CAMKMT: variants seen among roughly 807,000 people sequenced by gnomAD.
CAMKMT encodes CaM KMT.
In CAMKMT, 53 loss-of-function variants were observed where a neutral mutation model predicts 48.0. The ratio of observed to expected loss-of-function variants is 1.10; its 90% CI spans 0.89 to 1.39. The LOEUF (loss-of-function observed/expected upper bound fraction) is 1.39. Among genes scored for constraint, CAMKMT ranks in the 40% most tolerant of loss-of-function variants. CAMKMT has a pLI of 0.00. For missense variants in CAMKMT, 428 were observed against 402.7 expected (o/e 1.06, Z -0.54); for synonymous variants, 165 against 152.3 (o/e 1.08, Z -0.61).
chr2:44,486,947 C>A (rs1669245701), intron 3 of CAMKMT, among the ~76,000 whole-genome samples: 1 of 152,194 alleles, frequency 6.6e-6, no homozygotes, highest in African/African-American at 2.4e-5. Flanking sequence ...TCGTTCATAA[C>A]ATGAAATATG....
At chr2:44,625,765 A>T (rs1303378525) in intron 3 of CAMKMT, among the ~76,000 whole-genome samples, 1 of 152,118 alleles carries the variant, frequency 6.6e-6, no homozygotes. Flanking sequence ...TGGTGAAAAG[A>T]TCATCTTTTC....
At chr2:44,635,002 GT>G (rs1440056932) in intron 3 of CAMKMT, among the ~76,000 whole-genome samples, 1 of 152,160 alleles carries the variant, frequency 6.6e-6, no homozygotes, top group South Asian at 2.1e-4. Context: ...GAGCCTGGGA[GT>G]TTGAGGTTAC....
At chr2:44,747,230 T>C (rs1488206638) in intron 8 of CAMKMT, among the ~76,000 whole-genome samples, 1 of 152,242 alleles carries the variant, frequency 6.6e-6, no homozygotes, top group Non-Finnish European at 1.5e-5. Context: ...TTTTTTTTAG[T>C]CCTTTTTACT....
chr2:44,466,790 C>G (rs1668137033), intron 3 of CAMKMT, among the ~76,000 whole-genome samples: 1 of 152,020 alleles, frequency 6.6e-6, no homozygotes, highest in Non-Finnish European at 1.5e-5. Flanking sequence ...AAAGACAAGA[C>G]TCCAATAACA....
chr2:44,718,722 T>C (rs1434627953), intron 7 of CAMKMT, among the ~76,000 whole-genome samples: 2 of 152,204 alleles, frequency 1.3e-5, no homozygotes, highest in African/African-American at 4.8e-5. Flanking sequence ...TTAAAAAGTC[T>C]ATTAAATTTA....
At chr2:44,675,273 A>G (rs751256967) in intron 3 of CAMKMT, among the ~76,000 whole-genome samples, 5 of 151,974 alleles carry the variant, frequency 3.3e-5, no homozygotes, top group Non-Finnish European at 7.4e-5. Context: ...TGGTTTCAGC[A>G]CTCTAATGAG....
chr2:44,468,886 A>G (rs992810187), intron 3 of CAMKMT, among the ~76,000 whole-genome samples: 2 of 152,128 alleles, frequency 1.3e-5, no homozygotes, highest in Admixed American at 6.6e-5. Context: ...CCATTGTACT[A>G]CAGCCTGGAT....
At chr2:44,544,231 C>T (rs1045396020) in intron 3 of CAMKMT, among the ~76,000 whole-genome samples, 11 of 152,018 alleles carry the variant, frequency 7.2e-5, no homozygotes, top group Non-Finnish European at 1.3e-4. Flanking sequence ...TCAGTGATTA[C>T]CTGGACATTT....
At chr2:44,362,400 C>T (rs900940866) in intron 1 of CAMKMT, among the ~76,000 whole-genome samples, 45 of 152,174 alleles carry the variant, frequency 3.0e-4, no homozygotes, top group African/African-American at 1.0e-3. Flanking sequence ...AGAAGAACCC[C>T]TTCTAGACAT....
At chr2:44,611,491 T>C (rs1198998086) in intron 3 of CAMKMT, among the ~76,000 whole-genome samples, 1 of 151,478 alleles carries the variant, frequency 6.6e-6, no homozygotes, top group Non-Finnish European at 1.5e-5. Flanking sequence ...ACAGAACAAT[T>C]TTGACTACAA....
intron 3 of CAMKMT, among the ~76,000 whole-genome samples, chr2:44,451,681 A>T (rs1408340818): frequency 1.3e-5 from 2 of 151,884 alleles, no homozygotes; most frequent in Admixed American, 6.6e-5. Context: ...TATTCTTGTG[A>T]AATATGTTTA....
intron 3 of CAMKMT, among the ~76,000 whole-genome samples, chr2:44,641,160 A>C (rs1037453173): frequency 2.6e-5 from 4 of 152,192 alleles, no homozygotes; most frequent in African/African-American, 9.7e-5. Flanking sequence ...ATATATAAAT[A>C]TCTTCTTAAA....
intron 3 of CAMKMT, among the ~76,000 whole-genome samples, chr2:44,443,479 C>G (rs1193677684): frequency 2.0e-5 from 3 of 152,046 alleles, no homozygotes; most frequent in African/African-American, 7.2e-5. Context: ...TGAAGAACTA[C>G]TTAGCATTTT....
chr2:44,735,355 C>T (rs1021476777), intron 7 of CAMKMT, among the ~76,000 whole-genome samples: 1 of 152,184 alleles, frequency 6.6e-6, no homozygotes, highest in Non-Finnish European at 1.5e-5. Context: ...AGTACAGTTA[C>T]TGATGGGGTT....
At chr2:44,362,847 C>G (rs549584723) in intron 1 of CAMKMT, among the ~76,000 whole-genome samples, 2 of 152,356 alleles carry the variant, frequency 1.3e-5, no homozygotes, top group Admixed American at 6.5e-5. Context: ...CTCGTGCAAG[C>G]TTGACGGAAG....
At chr2:44,418,148 C>T (rs1014185462) in intron 3 of CAMKMT, among the ~76,000 whole-genome samples, 49 of 148,814 alleles carry the variant, frequency 3.3e-4, no homozygotes, top group African/African-American at 1.1e-3. Context: ...GCCAAGATCG[C>T]GCCATTGCAC....
At chr2:44,444,214 T>C (rs1666845904) in intron 3 of CAMKMT, among the ~76,000 whole-genome samples, 1 of 152,226 alleles carries the variant, frequency 6.6e-6, no homozygotes, top group Middle Eastern at 3.2e-3. Context: ...TAGGAGATTT[T>C]GAAAGAGCAT....
intron 3 of CAMKMT, among the ~76,000 whole-genome samples, chr2:44,627,687 C>A (rs1043224288): frequency 5.3e-5 from 7 of 131,030 alleles, no homozygotes; most frequent in Non-Finnish European, 8.4e-5. Flanking sequence ...TATAATGGTC[C>A]CATTTTATCC....
chr2:44,453,607 T>A (rs1161072395), intron 3 of CAMKMT, among the ~76,000 whole-genome samples: 2 of 152,104 alleles, frequency 1.3e-5, no homozygotes, highest in Non-Finnish European at 1.5e-5. Flanking sequence ...GTATAGAGAA[T>A]GGATTCAGTT....
Sources: gnomAD v4.1 joint callset for allele counts (sites outside exome capture counted in the v4.1 genomes callset) on GRCh38, gnomAD v4.1.1 for gene constraint, MANE v1.5 for transcripts, NCBI Gene and HGNC (gene_info 2026-07-23, HGNC 2026-07-21) for gene names.